MCMDC2: variants seen among roughly 807,000 people sequenced by gnomAD.
MCMDC2 encodes minichromosome maintenance domain containing 2.
MCMDC2 carries 54 observed loss-of-function variants against 75.8 expected under a neutral mutation model. The observed-to-expected ratio is 0.71, with a 90% confidence interval of 0.57 to 0.89. MCMDC2 has a LOEUF of 0.89. Among genes scored for constraint, MCMDC2 ranks in the 40% least tolerant of loss-of-function variants. The pLI is 0.00. For synonymous variants in MCMDC2, 249 were observed against 274.6 expected (o/e 0.91, Z 0.92); for missense variants, 656 against 780.4 (o/e 0.84, Z 1.90).
At chr8:66,898,996 C>G (rs1381443944) in intron 12 of MCMDC2, among the ~76,000 whole-genome samples, 1 of 152,204 alleles carries the variant, frequency 6.6e-6, no homozygotes, top group African/African-American at 2.4e-5. Context: ...GTTGGTTTGT[C>G]AGACTATAGA....
chr8:66,902,892 G>T (rs1356665690), intron 13 of MCMDC2, among the ~76,000 whole-genome samples: 3 of 151,490 alleles, frequency 2.0e-5, no homozygotes, highest in Non-Finnish European at 1.5e-5. Context: ...GGCCAAGTTG[G>T]GTGGATCACC....
At chr8:66,877,589 G>A in intron 5 of MCMDC2, 45 bp downstream of exon 5, 1 of 1,432,812 alleles carries the variant, frequency 7.0e-7, no homozygotes, top group Admixed American at 2.1e-5. Context: ...AATTGGCTAG[G>A]CATGGTGGCT....
At chr8:66,901,436 T>C in intron 13 of MCMDC2, 88 bp downstream of exon 13, 1 of 1,513,192 alleles carries the variant, frequency 6.6e-7, no homozygotes, top group African/African-American at 1.4e-5. Context: ...TTTCACTTGT[T>C]TCTCTGCTTG....
At position 66,880,839 on chromosome 8, in the gene MCMDC2, A is replaced by G; in HGVS notation, c.710-10A>G. On this transcript the variant is annotated splice_polypyrimidine_tract_variant and intron_variant, in intron 7 of 14. Coordinates refer to ENST00000422365, the MANE Select transcript of MCMDC2 (RefSeq NM_173518.5). ...GAATATGTATTTTCTTCTGTCTTTA[A>G]TAATTTTAGATGAATCAGTGAATAA... The G allele has an allele frequency of 6.6e-7, 1 of 1,522,780 alleles. No individual in the cohort carries two copies. The highest frequency in any genetic ancestry group is 8.8e-7 in the Non-Finnish European group (1 of 1,136,000). The allele number at this position is 1,522,780 out of a possible 1,614,324, so 94.3% of individuals were successfully genotyped here. A position where few individuals can be genotyped will look rare whatever the true frequency, so the allele number is the denominator to read the frequency against.
intron 14 of MCMDC2, among the ~76,000 whole-genome samples, chr8:66,914,283 CAAAAA>C (rs67943900): frequency 1.2e-5 from 1 of 85,744 alleles, no homozygotes; most frequent in Non-Finnish European, 2.4e-5. Flanking sequence ...ACCCTGTATC[CAAAAA>C]AAAAAAAAAA....
chr8:66,922,433 T>A (rs760022926), downstream of MCMDC2: 2 of 508,028 alleles, frequency 3.9e-6, no homozygotes, highest in East Asian at 1.1e-4. Context: ...AATTATTGCC[T>A]TACATACATG....
intron 14 of MCMDC2, among the ~76,000 whole-genome samples, chr8:66,912,165 A>C (rs1180028317): frequency 1.3e-5 from 2 of 152,228 alleles, no homozygotes; most frequent in Non-Finnish European, 2.9e-5. Context: ...GTTTGGAAGA[A>C]GTTGATTCCA....
intron 14 of MCMDC2, among the ~76,000 whole-genome samples, chr8:66,915,166 A>T (rs1232575190): frequency 1.3e-5 from 2 of 152,104 alleles, no homozygotes; most frequent in East Asian, 3.8e-4. Flanking sequence ...CCTAATTAAA[A>T]AAAATAAAAT....
At chr8:66,895,489 C>CT (rs1812311209) in intron 10 of MCMDC2, among the ~76,000 whole-genome samples, 1 of 151,656 alleles carries the variant, frequency 6.6e-6, no homozygotes. Context: ...TCACTGCACC[C>CT]TCCAACTCCT....
intron 1 of MCMDC2, among the ~76,000 whole-genome samples, chr8:66,873,662 C>T (rs1232780154): frequency 5.9e-5 from 9 of 151,970 alleles, no homozygotes; most frequent in African/African-American, 1.9e-4. Flanking sequence ...CTGAAGCTGG[C>T]GGATCACGAG....
intron 14 of MCMDC2, among the ~76,000 whole-genome samples, chr8:66,907,568 A>T (rs1207729290): frequency 1.4e-4 from 22 of 152,134 alleles, no homozygotes; most frequent in Non-Finnish European, 2.6e-4. Context: ...GAATGATTTA[A>T]AATCCTTTGG....
In MCMDC2 at chr8:66,920,522, CTG is replaced by C. The variant is rs1169443304; in HGVS notation, c.*1355_*1356del. The C allele has an allele frequency of 6.6e-6, 1 of 152,132 alleles. No individual in the cohort carries two copies. The highest frequency in any genetic ancestry group is 1.5e-5 in the Non-Finnish European group (1 of 68,022). The allele number at this position is 152,132 out of a possible 1,614,324, so 9.4% of individuals were successfully genotyped here. On this transcript the variant is annotated 3_prime_UTR_variant, in exon 15 of 15. Transcript: ENST00000422365. ...AGGTATGAGCCAACACGACTGGCGA[CTG>C]TAGTTTTCAACAAAATACTTACATA...
intron 7 of MCMDC2, among the ~76,000 whole-genome samples, chr8:66,880,494 C>T (rs1811507922): frequency 6.6e-6 from 1 of 152,196 alleles, no homozygotes; most frequent in South Asian, 2.1e-4. Flanking sequence ...ATAAAATTAT[C>T]ACTTATAAGG....
chr8:66,922,433 T>C, downstream of MCMDC2: 1 of 508,028 alleles, frequency 2.0e-6, no homozygotes, highest in South Asian at 1.4e-5. Flanking sequence ...AATTATTGCC[T>C]TACATACATG....
intron 9 of MCMDC2, among the ~76,000 whole-genome samples, chr8:66,887,374 A>G (rs1585869115): frequency 6.9e-6 from 1 of 145,780 alleles, no homozygotes; most frequent in African/African-American, 2.7e-5. Context: ...CCCCGTCTCC[A>G]CTAAAAATAC....
At chr8:66,889,372 G>A (rs879699580) in intron 9 of MCMDC2, among the ~76,000 whole-genome samples, 1 of 152,172 alleles carries the variant, frequency 6.6e-6, no homozygotes, top group Non-Finnish European at 1.5e-5. Flanking sequence ...CCTCATGCCT[G>A]TAGTTCCAGC....
intron 14 of MCMDC2, among the ~76,000 whole-genome samples, chr8:66,913,382 T>A (rs1298875271): frequency 6.6e-6 from 1 of 152,170 alleles, no homozygotes; most frequent in African/African-American, 2.4e-5. Flanking sequence ...ACCTGCAATA[T>A]CTCTGAGGTA....
intron 14 of MCMDC2, among the ~76,000 whole-genome samples, chr8:66,907,732 T>G (rs189768561): frequency 7.2e-5 from 11 of 152,290 alleles, no homozygotes; most frequent in Admixed American, 7.2e-4. Context: ...CTCACCAGCA[T>G]CTGTTGTTTC....
chr8:66,898,382 T>C (rs754577160), intron 12 of MCMDC2, among the ~76,000 whole-genome samples: 1 of 152,028 alleles, frequency 6.6e-6, no homozygotes, highest in Non-Finnish European at 1.5e-5. Context: ...TCCCAGCACT[T>C]TGGGAGGCCG....
Sources: gnomAD v4.1 joint callset for allele counts (sites outside exome capture counted in the v4.1 genomes callset) on GRCh38, gnomAD v4.1.1 for gene constraint, MANE v1.5 for transcripts, NCBI Gene and HGNC (gene_info 2026-07-23, HGNC 2026-07-21) for gene names.